The following GPHN variants were observed in gnomAD, a reference collection of about 807,000 sequenced individuals.
The protein encoded by GPHN is gephyrin.
GPHN carries 17 observed loss-of-function variants against 95.5 expected under a neutral mutation model. That is an observed-to-expected ratio of 0.18 (90% CI 0.12 to 0.27). GPHN has a LOEUF of 0.27. Ranked by LOEUF, GPHN falls within the 10% of genes least tolerant of loss-of-function variation. The pLI is 1.00. For missense variants in GPHN, 660 were observed against 978.1 expected (o/e 0.67, Z 4.34); for synonymous variants, 320 against 322.5 (o/e 0.99, Z 0.08).
the GPHN span, among the ~76,000 whole-genome samples, chr14:67,219,590 A>G: frequency 6.6e-6 from 1 of 152,206 alleles, no homozygotes; most frequent in Non-Finnish European, 1.5e-5. Context: ...TTATAAGAAT[A>G]ACTTTGTTAG....
At chr14:67,068,487 A>G (rs112303641) in intron 11 of GPHN, among the ~76,000 whole-genome samples, 82 of 152,342 alleles carry the variant, frequency 5.4e-4, no homozygotes, top group African/African-American at 1.7e-3. Flanking sequence ...ATAAATTACA[A>G]CTTCACACTT....
At chr14:67,040,398 G>A (rs1041661268) in intron 10 of GPHN, among the ~76,000 whole-genome samples, 45 of 151,980 alleles carry the variant, frequency 3.0e-4, no homozygotes, top group African/African-American at 1.0e-3. Flanking sequence ...AAAAAAATCT[G>A]GAGGGATGGC....
chr14:67,544,130 A>G, the GPHN span, among the ~76,000 whole-genome samples: 8 of 152,342 alleles, frequency 5.3e-5, no homozygotes, highest in African/African-American at 1.9e-4. Flanking sequence ...AAAATAAAAA[A>G]TGGTCAGGAA....
chr14:66,941,179 C>T (rs1197023110), intron 8 of GPHN, among the ~76,000 whole-genome samples: 2 of 151,898 alleles, frequency 1.3e-5, no homozygotes, highest in East Asian at 3.9e-4. Flanking sequence ...AACTTAAAAA[C>T]AACTAGGAGT....
At chr14:67,399,730 CTCAGGTGGCAGGAATAAAGAGAAGGGTA>C in the GPHN span, among the ~76,000 whole-genome samples, 6 of 149,952 alleles carry the variant, frequency 4.0e-5, no homozygotes, top group African/African-American at 1.2e-4. Context: ...TTAGGTGGGT[CTCAGGTGGCAGGAATAAAGAGAAGGGTA>C]GTTTAGGTGG....
intron 10 of GPHN, among the ~76,000 whole-genome samples, chr14:67,054,489 T>G (rs753856671): frequency 6.6e-6 from 1 of 152,154 alleles, no homozygotes; most frequent in African/African-American, 2.4e-5. Flanking sequence ...CGCTCATGGA[T>G]GGGAAGAATC....
rs868265429 is a variant in GPHN, at chr14:67,181,089, C to G, written c.*152C>G. ...CTATATTTCAAATGAATTTAAATAT[C>G]TTTTAAAGAAAAAAACACCTAAAAA... is the stretch of plus-strand genomic sequence containing the variant. On this transcript the variant is annotated 3_prime_UTR_variant, in exon 23 of 23. Coordinates refer to ENST00000478722, the MANE Select transcript of GPHN (RefSeq NM_020806.5). 1 of 740,730 alleles carries G rather than the reference C, an allele frequency of 1.4e-6. No individual in the cohort carries two copies. 45.9% of individuals were successfully genotyped at this position (740,730 alleles called of 1,614,324 possible).
At chr14:66,626,275 T>C (rs2063524264) in intron 1 of GPHN, among the ~76,000 whole-genome samples, 1 of 152,188 alleles carries the variant, frequency 6.6e-6, no homozygotes, top group African/African-American at 2.4e-5. Flanking sequence ...CAGATATAAG[T>C]GCATAAAAGT....
chr14:66,623,939 T>C (rs1424775993), intron 1 of GPHN, among the ~76,000 whole-genome samples: 1 of 152,080 alleles, frequency 6.6e-6, no homozygotes, highest in Non-Finnish European at 1.5e-5. Flanking sequence ...TTTCCAAATA[T>C]CAGAAGCTAC....
At chr14:66,868,622 G>A (rs552680235) in intron 4 of GPHN, among the ~76,000 whole-genome samples, 1 of 152,194 alleles carries the variant, frequency 6.6e-6, no homozygotes, top group East Asian at 1.9e-4. Flanking sequence ...TCAAACTCCT[G>A]ACCTCAAGTG....
chr14:66,951,239 G>A (rs1371581505), intron 8 of GPHN, among the ~76,000 whole-genome samples: 1 of 152,036 alleles, frequency 6.6e-6, no homozygotes, highest in Non-Finnish European at 1.5e-5. Context: ...GGGATAAAGG[G>A]CCAGGCACAG....
intron 2 of GPHN, among the ~76,000 whole-genome samples, chr14:66,748,093 C>T (rs9783678): frequency 0.34 from 51,927 of 151,828 alleles, 13,410 homozygotes; most frequent in African/African-American, 0.7. Context: ...AATATCACTG[C>T]TCAAGCTATC....
At chr14:66,735,920 A>G (rs929366496) in intron 2 of GPHN, among the ~76,000 whole-genome samples, 2 of 152,176 alleles carry the variant, frequency 1.3e-5, no homozygotes, top group Non-Finnish European at 2.9e-5. Context: ...CAATCTTAAG[A>G]TATATAATGA....
At chr14:67,721,530 C>T in the GPHN span, among the ~76,000 whole-genome samples, 2 of 152,062 alleles carry the variant, frequency 1.3e-5, no homozygotes, top group Non-Finnish European at 2.9e-5. Flanking sequence ...TTGTATTTCT[C>T]CTCATCTTCA....
chr14:66,775,620 C>G (rs2059353635), intron 2 of GPHN, among the ~76,000 whole-genome samples: 1 of 151,982 alleles, frequency 6.6e-6, no homozygotes, highest in African/African-American at 2.4e-5. Flanking sequence ...CATTCATTTC[C>G]TAGTTCCTTC....
At chr14:67,389,035 A>C in the GPHN span, among the ~76,000 whole-genome samples, 4 of 151,666 alleles carry the variant, frequency 2.6e-5, no homozygotes, top group African/African-American at 7.3e-5. Flanking sequence ...TCGTTACACA[A>C]ATCTAGTATG....
the GPHN span, among the ~76,000 whole-genome samples, chr14:67,546,442 C>T: frequency 2.5e-4 from 38 of 152,224 alleles, 2 homozygotes; most frequent in South Asian, 6.8e-3. Flanking sequence ...TCTCTTGTTG[C>T]CCCGGCTGGA....
chr14:67,533,905 A>G, the GPHN span, among the ~76,000 whole-genome samples: 1 of 152,144 alleles, frequency 6.6e-6, no homozygotes, highest in Non-Finnish European at 1.5e-5. Flanking sequence ...TAGGAGTCTT[A>G]GCGAGGACTC....
chr14:67,313,299 C>G, the GPHN span, among the ~76,000 whole-genome samples: 1 of 152,162 alleles, frequency 6.6e-6, no homozygotes, highest in East Asian at 1.9e-4. Flanking sequence ...CACTTAACGA[C>G]AGGGATAAGT....
Sources: allele counts gnomAD v4.1 joint callset (sites outside exome capture counted in the v4.1 genomes callset), GRCh38; gene constraint gnomAD v4.1.1; transcripts MANE v1.5; gene names NCBI Gene and HGNC (gene_info 2026-07-23, HGNC 2026-07-21).